Variants in GYPE observed in about 807,000 individuals in gnomAD.
GYPE encodes the protein glycophorin E (MNS blood group), also known as glycophorin-E.
In GYPE, 8 loss-of-function variants were observed where a neutral mutation model predicts 11.6. That is an observed-to-expected ratio of 0.69 (90% CI 0.41 to 1.25). The LOEUF is 1.25. GYPE is among the 50% of genes most tolerant of loss of function. GYPE has a pLI of 0.01. For synonymous variants in GYPE, 28 were observed against 29.6 expected (o/e 0.94, Z 0.18); for missense variants, 90 against 92.8 (o/e 0.97, Z 0.12).
chr4:143,879,414 C>G (rs929204339), intron 2 of GYPE, among the ~76,000 whole-genome samples: 1 of 152,106 alleles, frequency 6.6e-6, no homozygotes, highest in Non-Finnish European at 1.5e-5. Flanking sequence ...TTAGGCTTTA[C>G]GTACAAAGGT....
intron 1 of GYPE, among the ~76,000 whole-genome samples, chr4:143,884,090 C>T (rs796850270): frequency 3.3e-5 from 5 of 151,554 alleles, no homozygotes; most frequent in South Asian, 2.1e-4. Flanking sequence ...TTCATTGCTT[C>T]GCCCTTCCCT....
chr4:143,901,475 T>C (rs1744866458), intron 1 of GYPE, among the ~76,000 whole-genome samples: 1 of 152,052 alleles, frequency 6.6e-6, no homozygotes, highest in Non-Finnish European at 1.5e-5. Flanking sequence ...ACCCGGAATT[T>C]TTTTTTCAAC....
chr4:143,885,239 T>C (rs910229942), intron 1 of GYPE, among the ~76,000 whole-genome samples: 1 of 152,116 alleles, frequency 6.6e-6, no homozygotes, highest in African/African-American at 2.4e-5. Flanking sequence ...AAATTGGCAC[T>C]TTAATTATTT....
chr4:143,898,944 T>C (rs866827398), intron 1 of GYPE, among the ~76,000 whole-genome samples: 4,173 of 147,978 alleles, frequency 0.028, 233 homozygotes, highest in African/African-American at 0.099. Flanking sequence ...ATAGCTGTAC[T>C]ATTCATGTTT....
intron 1 of GYPE, among the ~76,000 whole-genome samples, chr4:143,904,550 T>A (rs1032055858): frequency 5.9e-5 from 9 of 152,164 alleles, no homozygotes; most frequent in Non-Finnish European, 1.2e-4. Context: ...TAGGGTATCT[T>A]AGAAAATGCT....
At chr4:143,901,353 A>G (rs536128980) in intron 1 of GYPE, among the ~76,000 whole-genome samples, 2 of 152,312 alleles carry the variant, frequency 1.3e-5, no homozygotes, top group East Asian at 1.9e-4. Flanking sequence ...TTTTTAAAAT[A>G]TATTAAAACT....
At chr4:143,904,566 C>T (rs1744988420) in intron 1 of GYPE, among the ~76,000 whole-genome samples, 1 of 152,136 alleles carries the variant, frequency 6.6e-6, no homozygotes, top group Non-Finnish European at 1.5e-5. Context: ...ATGCTGATCT[C>T]TCTTCCCTGT....
rs1745026613 is a variant in GYPE at position 143,905,555 on chromosome 4, A to G, written c.-48T>C. The G allele has an allele frequency of 6.2e-7, 1 of 1,612,480 alleles. No individual in the cohort carries two copies. The highest frequency in any genetic ancestry group is 2.2e-5 in the East Asian group (1 of 44,864). ...TGAAGTTAGTGCAAAAAAACTACCA[A>G]AGACAACTGCAAGTGTCAGTGTCTG... On this transcript the variant is annotated 5_prime_UTR_variant, in exon 1 of 4. Coordinates refer to ENST00000358615, the MANE Select transcript of GYPE (RefSeq NM_198682.3).
intron 1 of GYPE, among the ~76,000 whole-genome samples, chr4:143,901,820 C>T (rs1487608480): frequency 6.6e-6 from 1 of 151,266 alleles, no homozygotes; most frequent in South Asian, 2.1e-4. Flanking sequence ...AGCTAAATTT[C>T]CTAATTTAAA....
chr4:143,900,412 A>C (rs1484618560), intron 1 of GYPE, among the ~76,000 whole-genome samples: 1 of 116,154 alleles, frequency 8.6e-6, no homozygotes, highest in Non-Finnish European at 1.8e-5. Context: ...ACATAAAATT[A>C]CTATGACCCA....
At chr4:143,875,548 C>A in intron 3 of GYPE, 17 of 1,550,734 alleles carry the variant, frequency 1.1e-5, no homozygotes, top group Non-Finnish European at 1.5e-5. Flanking sequence ...TCAGCCTCTG[C>A]TTGACCATGA....
At chr4:143,892,069 T>G (rs1338907548) in intron 1 of GYPE, among the ~76,000 whole-genome samples, 1 of 152,216 alleles carries the variant, frequency 6.6e-6, no homozygotes, top group African/African-American at 2.4e-5. Flanking sequence ...ATCTATCCAT[T>G]TCTTCTAGAT....
At chr4:143,881,346 A>G (rs1744015848) in intron 1 of GYPE, among the ~76,000 whole-genome samples, 1 of 152,092 alleles carries the variant, frequency 6.6e-6, no homozygotes, top group African/African-American at 2.4e-5. Flanking sequence ...GTTATTTTAT[A>G]AAATTTTATA....
intron 1 of GYPE, among the ~76,000 whole-genome samples, chr4:143,883,271 G>C (rs1166899660): frequency 6.6e-6 from 1 of 151,744 alleles, no homozygotes; most frequent in Non-Finnish European, 1.5e-5. Context: ...CTTTCCCTTC[G>C]TCTTTTGCCA....
At chr4:143,902,340 GAAAAA>G (rs201093353) in intron 1 of GYPE, among the ~76,000 whole-genome samples, 12 of 133,698 alleles carry the variant, frequency 9.0e-5, no homozygotes, top group African/African-American at 2.8e-4. Flanking sequence ...TTGGATCCCT[GAAAAA>G]AAAAAAAAAA....
intron 3 of GYPE, chr4:143,875,227 C>T (rs1743750658): frequency 9.6e-6 from 4 of 417,348 alleles, no homozygotes; most frequent in East Asian, 8.2e-5. Flanking sequence ...TGTTCAGACC[C>T]TTCTTTCTTC....
rs1303602395 is a variant in GYPE at position 143,871,546 on chromosome 4, C to A, written c.*716G>T. 4 of 152,078 alleles carry A rather than the reference C, an allele frequency of 2.6e-5. No homozygotes were observed. The highest frequency in any genetic ancestry group is 7.2e-5 in the African/African-American group (3 of 41,388). 9.4% of individuals were successfully genotyped at this position (152,078 alleles called of 1,614,324 possible). ...CAAGGAGAGGAATGCAGAGGGAAAG[C>A]GATTCACTGGAGTCTCTCGTCAGTG... On this transcript the variant is annotated 3_prime_UTR_variant, in exon 4 of 4. Coordinates refer to ENST00000358615, the MANE Select transcript of GYPE (RefSeq NM_198682.3).
chr4:143,899,532 G>A lies in GYPE; in HGVS notation c.37+5939C>T, dbSNP rs577948197. 2.6e-5 allele frequency among the ~76,000 whole-genome samples: 4 copies of A among 152,088 alleles called. No individual in the cohort carries two copies. The South Asian group carries it at 8.3e-4, about 32-fold the overall frequency. ...AAATAGCTAAAACAATCTGGAAGAA[G>A]AACAAAGTTCAGTGAATCACACTTC... On this transcript the variant is annotated intron_variant, in intron 1 of 3. Transcript: ENST00000358615.
At chr4:143,890,697 T>C (rs1578967995) in intron 1 of GYPE, among the ~76,000 whole-genome samples, 1 of 152,212 alleles carries the variant, frequency 6.6e-6, no homozygotes, top group East Asian at 1.9e-4. Flanking sequence ...ATGGTTCTAG[T>C]GTCACCTTTA....
Sources: gnomAD v4.1 joint callset for allele counts (sites outside exome capture counted in the v4.1 genomes callset) on GRCh38, gnomAD v4.1.1 for gene constraint, MANE v1.5 for transcripts, NCBI Gene and HGNC (gene_info 2026-07-23, HGNC 2026-07-21) for gene names.